Variants in NIBAN2 observed in about 807,000 individuals in gnomAD.
NIBAN2 encodes protein Niban 2.
Under a neutral mutation model 81.8 loss-of-function variants are expected in NIBAN2, and 36 were observed. That is an observed-to-expected ratio of 0.44 (90% CI 0.34 to 0.58). The LOEUF (loss-of-function observed/expected upper bound fraction) is 0.58, where lower values mean the gene tolerates loss of function less well. Among genes scored for constraint, NIBAN2 ranks in the 20% least tolerant of loss-of-function variants. NIBAN2 has a pLI of 0.02. For synonymous variants in NIBAN2, 445 were observed against 441.6 expected (o/e 1.01, Z -0.10); for missense variants, 897 against 1,014.1 (o/e 0.88, Z 1.57).
intron 1 of NIBAN2, among the ~76,000 whole-genome samples, chr9:127,562,244 C>T (rs1837787162): frequency 6.6e-6 from 1 of 152,176 alleles, no homozygotes; most frequent in Non-Finnish European, 1.5e-5. Flanking sequence ...AGGCCTTTTT[C>T]AGTGTCCCCC....
intron 5 of NIBAN2, among the ~76,000 whole-genome samples, chr9:127,519,458 G>A (rs1437686025): frequency 2.0e-5 from 3 of 152,212 alleles, no homozygotes; most frequent in African/African-American, 7.2e-5. Flanking sequence ...CATCCCCAAA[G>A]CCCAGGAAGG....
intron 1 of NIBAN2, among the ~76,000 whole-genome samples, chr9:127,551,433 G>A (rs193189442): frequency 4.6e-5 from 7 of 152,258 alleles, no homozygotes; most frequent in Non-Finnish European, 8.8e-5. Flanking sequence ...TGAGGCACGA[G>A]AATCGCTTGA....
At chr9:127,523,632 G>C (rs1837002526) in intron 5 of NIBAN2, 47 bp downstream of exon 5, 1 of 1,579,726 alleles carries the variant, frequency 6.3e-7, no homozygotes, top group Admixed American at 1.7e-5. Context: ...CAATAACCCA[G>C]GTCCTGCCCC....
intron 5 of NIBAN2, among the ~76,000 whole-genome samples, chr9:127,521,254 G>A (rs924220642): frequency 6.6e-6 from 1 of 152,190 alleles, no homozygotes; most frequent in Non-Finnish European, 1.5e-5. Flanking sequence ...GTTACTGCTC[G>A]AGGCTACTCA....
chr9:127,515,956 G>A (rs1351817822), intron 8 of NIBAN2, among the ~76,000 whole-genome samples: 1 of 152,072 alleles, frequency 6.6e-6, no homozygotes, highest in Non-Finnish European at 1.5e-5. Flanking sequence ...TGGGCAACAT[G>A]GCAAAACCCT....
At chr9:127,519,789 G>A (rs1027829787) in intron 5 of NIBAN2, among the ~76,000 whole-genome samples, 1 of 152,338 alleles carries the variant, frequency 6.6e-6, no homozygotes, top group East Asian at 1.9e-4. Flanking sequence ...AGCCCTGGGT[G>A]GGGGCTGCCC....
chr9:127,560,437 C>T (rs995838242), intron 1 of NIBAN2, among the ~76,000 whole-genome samples: 3 of 150,682 alleles, frequency 2.0e-5, no homozygotes, highest in African/African-American at 7.5e-5. Flanking sequence ...GGTGCCACTT[C>T]TGCCTGAAAA....
chr9:127,577,181 G>A (rs577570525), intron 1 of NIBAN2, among the ~76,000 whole-genome samples: 40 of 151,980 alleles, frequency 2.6e-4, no homozygotes, highest in Admixed American at 4.6e-4. Flanking sequence ...GGTGGTGCAC[G>A]TCTGTAATCC....
intron 1 of NIBAN2, among the ~76,000 whole-genome samples, chr9:127,554,938 AC>A (rs1837641566): frequency 6.6e-6 from 1 of 151,866 alleles, no homozygotes; most frequent in Non-Finnish European, 1.5e-5. Context: ...CTGTAAAAAA[AC>A]AAAAAACAAA....
intron 1 of NIBAN2, among the ~76,000 whole-genome samples, chr9:127,574,929 T>C (rs1371195263): frequency 1.3e-5 from 2 of 152,096 alleles, no homozygotes; most frequent in Non-Finnish European, 2.9e-5. Context: ...AGCTGTCACC[T>C]CTCCCCAGCT....
intron 1 of NIBAN2, among the ~76,000 whole-genome samples, chr9:127,578,565 G>T (rs1564325906): frequency 6.6e-6 from 1 of 151,346 alleles, no homozygotes; most frequent in South Asian, 2.1e-4. Context: ...AGGAGGCTGA[G>T]GCAGGAGAAT....
Position 127,527,288 on chromosome 9 carries a change from T to C in NIBAN2, c.221A>G (p.Asn74Ser), listed in dbSNP as rs200797290. ...GCTGTCCTCCTGGTGCTGGAAGAGG[T>C]TCCCCGAGAAGACGATGCGCTCGTC... The part of the protein sequence containing the change: ...PLDERIVFSG[N>S]LFQHQEDSKK... The change falls in exon 3 of 14, where the codon AAC becomes AGC. Residue 74 changes from asparagine to serine, a missense_variant. Physicochemically the swap from Asn to Ser is conservative, Grantham distance 46. This residue lies in a region of NIBAN2 where 209 missense variants were observed against 208.4 expected (regional missense o/e 1.00). Coordinates refer to ENST00000373312, the MANE Select transcript of NIBAN2 (RefSeq NM_022833.4). 129 of 1,613,124 alleles carry C rather than the reference T, an allele frequency of 8.0e-5. No individual in the cohort carries two copies. The East Asian group carries it at 2.7e-3, about 34-fold the overall frequency.
At position 127,507,461 on chromosome 9, in the gene NIBAN2, A is replaced by T. The variant is rs760394527; in HGVS notation, c.1655-30T>A. ...AGGGCCACAGGGGAAGGGTCAGGACACAGCACTGATCCCACAGCCGCCCCT... is the reference window on the plus strand; with the variant it reads ...AGGGCCACAGGGGAAGGGTCAGGACTCAGCACTGATCCCACAGCCGCCCCT... On this transcript the variant is annotated intron_variant, in intron 13 of 13. Transcript: ENST00000373312. The surrounding 1 kb of genome is among the most constrained non-coding windows in gnomAD (Gnocchi z 6.8). The T allele has an allele frequency of 2.7e-6, 4 of 1,466,480 alleles. No individual in the cohort carries two copies. The highest frequency in any genetic ancestry group is 3.6e-6 in the Non-Finnish European group (4 of 1,103,056). The allele number at this position is 1,466,480 out of a possible 1,614,324, so 90.8% of individuals were successfully genotyped here. A position where few individuals can be genotyped will look rare whatever the true frequency, so the allele number is the denominator to read the frequency against.
At chr9:127,569,384 C>G (rs1383087813), upstream of NIBAN2, among the ~76,000 whole-genome samples, 1 of 151,680 alleles carries the variant, frequency 6.6e-6, no homozygotes, top group Non-Finnish European at 1.5e-5. Flanking sequence ...GGAGAGACTG[C>G]GAAGAGCGCA....
At chr9:127,568,373 G>A (rs950964697) in intron 1 of NIBAN2, among the ~76,000 whole-genome samples, 1 of 152,224 alleles carries the variant, frequency 6.6e-6, no homozygotes, top group Non-Finnish European at 1.5e-5. Flanking sequence ...GCTGGGGCCC[G>A]GCGGAGCTGG....
chr9:127,538,418 G>C (rs1246363929), intron 1 of NIBAN2, among the ~76,000 whole-genome samples: 1 of 152,130 alleles, frequency 6.6e-6, no homozygotes, highest in Non-Finnish European at 1.5e-5. Flanking sequence ...GCTAAACACA[G>C]CGGCTGCCAC....
Position 127,517,681 on chromosome 9 carries a change from C to A in NIBAN2, c.705+145G>T. The stretch of plus-strand genomic sequence containing the variant: ...AGCGAGTATCTCCACGTGCACTGGC[C>A]CTGCACTTGTCCAAATCTAAGCATG... On this transcript the variant is annotated intron_variant, in intron 6 of 13. Transcript: ENST00000373312. This position sits in a 1 kb window ranked among gnomAD's most constrained non-coding sequence, Gnocchi z 4.0. 1.5e-6 allele frequency: 1 copy of A among 659,200 alleles called. No individual in the cohort carries two copies. Among genetic ancestry groups the A allele is most frequent in the Middle Eastern group, 3.8e-4 (1 of 2,640 alleles). 40.8% of individuals were successfully genotyped at this position (659,200 alleles called of 1,614,324 possible). A position where few individuals can be genotyped will look rare whatever the true frequency, so the allele number is the denominator to read the frequency against.
rs1454958320 is a variant in NIBAN2 at position 127,545,231 on chromosome 9, C to T, written c.56-13453G>A. On this transcript the variant is annotated intron_variant, in intron 1 of 13. Coordinates refer to ENST00000373312, the MANE Select transcript of NIBAN2 (RefSeq NM_022833.4). This position sits in a 1 kb window ranked among gnomAD's most constrained non-coding sequence, Gnocchi z 4.7. ...TCCCCAGGCTCAAGTGCCACCTCCTCGGAACCCTCCCTCCAGACAAGTCCC... is the reference window on the plus strand; with the variant it reads ...TCCCCAGGCTCAAGTGCCACCTCCTTGGAACCCTCCCTCCAGACAAGTCCC... Among the ~76,000 whole-genome samples, 4 of 152,154 alleles carry T rather than the reference C, an allele frequency of 2.6e-5. No homozygotes were observed. Among genetic ancestry groups the T allele is most frequent in the African/African-American group, 9.7e-5 (4 of 41,430 alleles).
intron 1 of NIBAN2, among the ~76,000 whole-genome samples, chr9:127,548,210 C>T (rs1564313678): frequency 6.6e-6 from 1 of 152,210 alleles, no homozygotes; most frequent in Admixed American, 6.5e-5. Context: ...ACCCTCATCT[C>T]TCAGGTTAAT....
Sources: allele counts gnomAD v4.1 joint callset (sites outside exome capture counted in the v4.1 genomes callset), GRCh38; gene constraint gnomAD v4.1.1; regional missense constraint gnomAD v4.1.1; non-coding constraint Gnocchi (gnomAD v3.1); transcripts MANE v1.5; gene names NCBI Gene and HGNC (gene_info 2026-07-23, HGNC 2026-07-21).